LRCH1: variants seen among roughly 807,000 people sequenced by gnomAD.
LRCH1 encodes the protein leucine-rich repeat and calponin homology domain-containing protein 1.
LRCH1 carries 23 observed loss-of-function variants against 94.9 expected under a neutral mutation model. The observed-to-expected ratio is 0.24, with a 90% CI of 0.17 to 0.34. The LOEUF (loss-of-function observed/expected upper bound fraction) is 0.34, where lower values mean the gene tolerates loss of function less well. LRCH1 is among the 10% of genes least tolerant of loss of function. LRCH1 has a pLI of 1.00. For missense variants in LRCH1, 790 were observed against 945.9 expected (o/e 0.84, Z 2.16); for synonymous variants, 364 against 354.9 (o/e 1.03, Z -0.29).
downstream of LRCH1, among the ~76,000 whole-genome samples, chr13:46,747,609 C>T (rs1191541649): frequency 2.0e-5 from 3 of 152,220 alleles, no homozygotes; most frequent in Non-Finnish European, 4.4e-5. Flanking sequence ...AGCAAAATGT[C>T]GTGCTGCACT....
chr13:46,647,490 A>G (rs1255931487), intron 1 of LRCH1, among the ~76,000 whole-genome samples: 1 of 152,124 alleles, frequency 6.6e-6, no homozygotes, highest in East Asian at 1.9e-4. Context: ...TGTCAACTGT[A>G]GAAGCTCTTT....
At chr13:46,749,924 A>AGAGAGTAGCAGGACATATGTGTC (rs1469392659) in intron 18 of LRCH1, among the ~76,000 whole-genome samples, 1 of 152,226 alleles carries the variant, frequency 6.6e-6, no homozygotes, top group Non-Finnish European at 1.5e-5. Context: ...ATGCAGCATG[A>AGAGAGTAGCAGGACATATGTGTC]GAGAGTAGCA....
rs77904770 is a variant in LRCH1 at position 46,664,177 on chromosome 13, A to G, written c.453-4853A>G. On this transcript the variant is annotated intron_variant, in intron 2 of 19. Coordinates refer to ENST00000389797, the MANE Select transcript of LRCH1 (RefSeq NM_001164211.2). Reference sequence around the variant, plus strand: ...ATTGGTATATGTTTTCAGTGAGGGAAACATTAAACCATATTTTAAAGGTGG... The same window carrying G: ...ATTGGTATATGTTTTCAGTGAGGGAGACATTAAACCATATTTTAAAGGTGG... 3.3e-3 allele frequency among the ~76,000 whole-genome samples: 510 copies of G among 152,320 alleles called. 1 individual carries two copies. Among genetic ancestry groups the G allele is most frequent in the Middle Eastern group, 0.02 (6 of 294 alleles).
At chr13:46,609,836 GACC>G (rs2050727894) in intron 1 of LRCH1, among the ~76,000 whole-genome samples, 1 of 152,200 alleles carries the variant, frequency 6.6e-6, no homozygotes, top group Non-Finnish European at 1.5e-5. Flanking sequence ...GGGAGGCGGG[GACC>G]AGATGGAGCC....
In LRCH1 at chr13:46,728,866, A is replaced by T; in HGVS notation, c.1889A>T (p.Lys630Met). The change falls in exon 18 of 20, where the codon AAG becomes ATG. Residue 630 changes from lysine to methionine, a missense_variant. Around this residue, in one of 3 missense-constraint regions of LRCH1, gnomAD observed 460 missense variants for 508.9 expected, o/e 0.90. Transcript: ENST00000389797. ...CAACAGAGCATTGAGATGAGATTGA[A>T]GGTCAGTCTACACGAAGACCTGGGG... Reference protein sequence around the residue: ...QLRESIEMRLKVSLHEDLGAA... With the variant: ...QLRESIEMRLMVSLHEDLGAA... 6 of 1,608,646 alleles carry T rather than the reference A, an allele frequency of 3.7e-6. No homozygotes were observed. Among genetic ancestry groups the T allele is most frequent in the Non-Finnish European group, 4.2e-6 (5 of 1,176,840 alleles).
At chr13:46,571,014 C>A (rs2050235146) in intron 1 of LRCH1, among the ~76,000 whole-genome samples, 1 of 152,268 alleles carries the variant, frequency 6.6e-6, no homozygotes, top group Non-Finnish European at 1.5e-5. Context: ...AAGGTAACGG[C>A]CAGTTGCCCT....
At chr13:46,566,966 A>G (rs1324006) in intron 1 of LRCH1, among the ~76,000 whole-genome samples, 53,556 of 152,116 alleles carry the variant, frequency 0.35, 11,664 homozygotes, top group East Asian at 0.48. Flanking sequence ...CACAATTACT[A>G]GTTTTAAAAA....
intron 1 of LRCH1, among the ~76,000 whole-genome samples, chr13:46,636,281 A>C (rs1490603817): frequency 6.6e-6 from 1 of 151,902 alleles, no homozygotes; most frequent in African/African-American, 2.4e-5. Flanking sequence ...CATGTTGGCC[A>C]GGCTGGTCTT....
chr13:46,705,199 T>G, intron 12 of LRCH1, 42 bp downstream of exon 12: 1 of 1,590,964 alleles, frequency 6.3e-7, no homozygotes, highest in Non-Finnish European at 8.6e-7. Flanking sequence ...TCTCTTTTCA[T>G]AATACATTGA....
chr13:46,585,559 A>C (rs1383587303), intron 1 of LRCH1, among the ~76,000 whole-genome samples: 3 of 151,410 alleles, frequency 2.0e-5, no homozygotes. Context: ...TCTCAAAAAA[A>C]AAAAAAAAAA....
At chr13:46,562,910 A>C (rs992737192) in intron 1 of LRCH1, among the ~76,000 whole-genome samples, 4 of 152,260 alleles carry the variant, frequency 2.6e-5, no homozygotes, top group African/African-American at 9.6e-5. Context: ...TACACTTACA[A>C]ATGGATGACT....
chr13:46,714,237 G>T (rs1285007932), intron 15 of LRCH1, among the ~76,000 whole-genome samples: 6 of 152,206 alleles, frequency 3.9e-5, no homozygotes, highest in Non-Finnish European at 7.3e-5. Context: ...GTTGTTGAAA[G>T]CTCTATGGAG....
intron 1 of LRCH1, among the ~76,000 whole-genome samples, chr13:46,638,899 C>T (rs1204389061): frequency 6.6e-6 from 1 of 152,018 alleles, no homozygotes; most frequent in African/African-American, 2.4e-5. Flanking sequence ...TTTGGCTTTC[C>T]TTATGTTTTT....
intron 1 of LRCH1, among the ~76,000 whole-genome samples, chr13:46,620,247 C>T (rs537048382): frequency 1.3e-5 from 2 of 152,072 alleles, no homozygotes; most frequent in South Asian, 2.1e-4. Flanking sequence ...ATTCTGTAGC[C>T]CCAGCTACTT....
intron 2 of LRCH1, among the ~76,000 whole-genome samples, chr13:46,652,540 T>A (rs886178208): frequency 2.6e-5 from 4 of 152,214 alleles, no homozygotes; most frequent in East Asian, 1.9e-4. Context: ...TTCTAACTTA[T>A]CTGACCATTT....
chr13:46,708,375 A>T (rs969138881), intron 13 of LRCH1, among the ~76,000 whole-genome samples: 7 of 150,278 alleles, frequency 4.7e-5, no homozygotes, highest in Non-Finnish European at 8.9e-5. Context: ...GGGTTCAAGC[A>T]ATTCTCCTGC....
At chr13:46,587,178 T>A (rs1350403004) in intron 1 of LRCH1, among the ~76,000 whole-genome samples, 1 of 152,222 alleles carries the variant, frequency 6.6e-6, no homozygotes, top group East Asian at 1.9e-4. Context: ...CAGGGTGAAA[T>A]CTCTTATTTC....
chr13:46,737,043 G>A (rs983897989), intron 19 of LRCH1, among the ~76,000 whole-genome samples: 1 of 152,166 alleles, frequency 6.6e-6, no homozygotes, highest in African/African-American at 2.4e-5. Flanking sequence ...AATAATAAAT[G>A]ATTTTCTTTA....
chr13:46,748,699 A>G (rs7990144), downstream of LRCH1, among the ~76,000 whole-genome samples: 8,363 of 152,294 alleles, frequency 0.055, 730 homozygotes, highest in African/African-American at 0.19. Context: ...ATAAATTGTC[A>G]GGCAGCATGA....
Sources: gnomAD v4.1 joint callset for allele counts (sites outside exome capture counted in the v4.1 genomes callset) on GRCh38, gnomAD v4.1.1 for gene constraint, gnomAD v4.1.1 regional missense constraint, MANE v1.5 for transcripts, NCBI Gene and HGNC (gene_info 2026-07-23, HGNC 2026-07-21) for gene names.